The following WWOX variants were observed in gnomAD, a reference collection of about 807,000 sequenced individuals.
WWOX encodes the protein WW domain containing oxidoreductase.
WWOX carries 69 observed loss-of-function variants against 46.2 expected under a neutral mutation model. The ratio of observed to expected loss-of-function variants is 1.49; its 90% CI spans 1.23 to 1.82. The LOEUF (loss-of-function observed/expected upper bound fraction) is 1.82, where lower values mean the gene tolerates loss of function less well. WWOX is among the 40% of genes most tolerant of loss of function. WWOX has a pLI of 0.00. For synonymous variants in WWOX, 359 were observed against 202.6 expected (o/e 1.77, Z -6.56); for missense variants, 919 against 542.6 (o/e 1.69, Z -6.89).
intron 8 of WWOX, chr16:78,895,363 A>G (rs2044678772): frequency 6.6e-6 from 1 of 152,168 alleles, no homozygotes; most frequent in Non-Finnish European, 1.5e-5. Context: ...AGTACCCTAG[A>G]AACACAGCCG....
At chr16:78,962,914 C>T (rs368219238) in intron 8 of WWOX, among the ~76,000 whole-genome samples, 1 of 152,160 alleles carries the variant, frequency 6.6e-6, no homozygotes, top group East Asian at 1.9e-4. Flanking sequence ...TGCTGTCTTG[C>T]TTCTTTTACT....
At chr16:78,636,090 G>C (rs570436814) in intron 8 of WWOX, among the ~76,000 whole-genome samples, 2 of 152,284 alleles carry the variant, frequency 1.3e-5, no homozygotes, top group South Asian at 4.1e-4. Context: ...CACTCTAGTA[G>C]TGATTAAAAT....
At chr16:78,123,697 C>G (rs1597232833) in intron 4 of WWOX, 1 of 151,568 alleles carries the variant, frequency 6.6e-6, no homozygotes, top group Non-Finnish European at 1.5e-5. Flanking sequence ...ACCTCATGAT[C>G]CACCCGTTTC....
At chr16:78,614,087 C>A (rs1320318076) in intron 8 of WWOX, among the ~76,000 whole-genome samples, 1 of 152,126 alleles carries the variant, frequency 6.6e-6, no homozygotes, top group African/African-American at 2.4e-5. Flanking sequence ...GTTGTGTCAC[C>A]CCTGGAGGTA....
At chr16:79,145,171 T>A (rs796227885) in intron 8 of WWOX, among the ~76,000 whole-genome samples, 2 of 152,244 alleles carry the variant, frequency 1.3e-5, no homozygotes, top group African/African-American at 2.4e-5. Context: ...TCTTTACTTA[T>A]TGTTTTTATT....
intron 5 of WWOX, among the ~76,000 whole-genome samples, chr16:78,324,924 C>T (rs766830276): frequency 2.0e-5 from 3 of 152,098 alleles, no homozygotes; most frequent in Non-Finnish European, 4.4e-5. Flanking sequence ...TATGGTATGT[C>T]AATTATATCT....
intron 8 of WWOX, among the ~76,000 whole-genome samples, chr16:79,181,982 C>G (rs1366796513): frequency 6.6e-6 from 1 of 152,182 alleles, no homozygotes; most frequent in Non-Finnish European, 1.5e-5. Context: ...CATTAGTGAA[C>G]CTTCTGACAA....
chr16:78,419,625 C>CAAAAAAAAAAAAA (rs60762734), intron 6 of WWOX, among the ~76,000 whole-genome samples: 174 of 44,362 alleles, frequency 3.9e-3, no homozygotes, highest in African/African-American at 4.2e-3. Context: ...CAAAAAATAG[C>CAAAAAAAAAAAAA]AAAAAAAAAA....
chr16:78,995,716 T>C (rs1177697219), intron 8 of WWOX, among the ~76,000 whole-genome samples: 1 of 152,202 alleles, frequency 6.6e-6, no homozygotes, highest in Non-Finnish European at 1.5e-5. Flanking sequence ...AGAACAGCAG[T>C]GACATTCTAG....
intron 8 of WWOX, among the ~76,000 whole-genome samples, chr16:78,997,998 T>G (rs531922481): frequency 1.3e-5 from 2 of 152,206 alleles, no homozygotes; most frequent in East Asian, 3.9e-4. Flanking sequence ...TGCCTCAGCC[T>G]CCCGAGTAGC....
At chr16:78,835,158 C>T (rs1274839478) in intron 8 of WWOX, among the ~76,000 whole-genome samples, 1 of 152,092 alleles carries the variant, frequency 6.6e-6, no homozygotes, top group Non-Finnish European at 1.5e-5. Flanking sequence ...GCTCCGACAG[C>T]CTTGCTTTTG....
chr16:78,314,684 AG>A (rs1182360643), intron 5 of WWOX, among the ~76,000 whole-genome samples: 11 of 87,466 alleles, frequency 1.3e-4, no homozygotes, highest in African/African-American at 4.0e-4. Context: ...CCCACCCTGC[AG>A]GGGTTTTTTT....
intron 8 of WWOX, among the ~76,000 whole-genome samples, chr16:79,050,804 C>G (rs1411067237): frequency 6.6e-6 from 1 of 152,238 alleles, no homozygotes; most frequent in Non-Finnish European, 1.5e-5. Flanking sequence ...GAGCTTGCTT[C>G]TCTTCTGCCG....
chr16:78,141,090 C>A (rs557357920), intron 4 of WWOX, among the ~76,000 whole-genome samples: 54 of 152,244 alleles, frequency 3.5e-4, no homozygotes, highest in African/African-American at 1.2e-3. Context: ...ACATTAGGAA[C>A]CAAGGGGGGA....
intron 8 of WWOX, among the ~76,000 whole-genome samples, chr16:79,121,584 C>G (rs377359362): frequency 1.3e-5 from 2 of 152,074 alleles, no homozygotes; most frequent in South Asian, 2.1e-4. Flanking sequence ...AACAAGAGAC[C>G]GTGCTGGTGA....
At chr16:79,096,951 G>A (rs2049087722) in intron 8 of WWOX, among the ~76,000 whole-genome samples, 1 of 152,146 alleles carries the variant, frequency 6.6e-6, no homozygotes, top group Non-Finnish European at 1.5e-5. Flanking sequence ...GCATATTGGG[G>A]AGGGGGCCAG....
At chr16:78,359,745 C>T (rs2081369890) in intron 5 of WWOX, among the ~76,000 whole-genome samples, 1 of 151,972 alleles carries the variant, frequency 6.6e-6, no homozygotes, top group Non-Finnish European at 1.5e-5. Flanking sequence ...GCATGAGAAG[C>T]CCTGATGTTG....
intron 5 of WWOX, among the ~76,000 whole-genome samples, chr16:78,261,788 C>CTATCTAGA (rs1555510660): frequency 1.4e-5 from 1 of 73,746 alleles, no homozygotes; most frequent in Non-Finnish European, 2.7e-5. Context: ...ATCTATCTAT[C>CTATCTAGA]TATATATATA....
intron 5 of WWOX, among the ~76,000 whole-genome samples, chr16:78,353,680 C>A (rs906834376): frequency 6.6e-6 from 1 of 152,334 alleles, no homozygotes; most frequent in Admixed American, 6.5e-5. Flanking sequence ...GTAACTCTGT[C>A]CTGAAGAACT....
Sources: allele counts gnomAD v4.1 joint callset (sites outside exome capture counted in the v4.1 genomes callset), GRCh38; gene constraint gnomAD v4.1.1; transcripts MANE v1.5; gene names NCBI Gene and HGNC (gene_info 2026-07-23, HGNC 2026-07-21).